The following CFAP46 variants were observed in gnomAD, a reference collection of about 807,000 sequenced individuals.
The protein encoded by CFAP46 is cilia- and flagella-associated protein 46.
A neutral mutation model predicts 325.7 loss-of-function variants in CFAP46; 245 were observed. The ratio of observed to expected loss-of-function variants is 0.75; its 90% CI spans 0.68 to 0.84. CFAP46 has a LOEUF of 0.84. Among genes scored for constraint, CFAP46 ranks in the 40% least tolerant of loss-of-function variants. The pLI is 0.00. For missense variants in CFAP46, 3,346 were observed against 3,543.0 expected (o/e 0.94, Z 1.41); for synonymous variants, 1,523 against 1,495.9 (o/e 1.02, Z -0.42).
At chr10:132,872,864 G>T in intron 31 of CFAP46, 40 bp from the exon 32 acceptor site, 1 of 1,549,360 alleles carries the variant, frequency 6.5e-7, no homozygotes, top group Non-Finnish European at 8.7e-7. Flanking sequence ...TCACAGGAGC[G>T]GGTGTAGACC....
At chr10:132,854,946 A>G (rs964719010) in intron 39 of CFAP46, among the ~76,000 whole-genome samples, 1 of 152,228 alleles carries the variant, frequency 6.6e-6, no homozygotes, top group African/African-American at 2.4e-5. Flanking sequence ...ATGGTCCAAA[A>G]TACAGTCCAT....
intron 2 of CFAP46, 44 bp from the exon 3 acceptor site, chr10:132,941,766 T>C: frequency 6.2e-7 from 1 of 1,610,796 alleles, no homozygotes; most frequent in South Asian, 1.1e-5. Context: ...CCCGGAGGGG[T>C]GGCCTCCCTG....
At chr10:132,865,072 CT>C (rs1591062172) in intron 35 of CFAP46, among the ~76,000 whole-genome samples, 1 of 152,326 alleles carries the variant, frequency 6.6e-6, no homozygotes, top group East Asian at 1.9e-4. Context: ...AGGACCCTCT[CT>C]TTTTCTGGAG....
Position 132,924,748 on chromosome 10 carries a change from G to GGTGCCGCAGGTT in CFAP46, c.1192_1203dup (p.Asn398_His401dup), listed in dbSNP as rs1201467715. 6.5e-7 allele frequency: 1 copy of GGTGCCGCAGGTT among 1,539,328 alleles called. No individual in the cohort carries two copies. Among genetic ancestry groups the GGTGCCGCAGGTT allele is most frequent in the East Asian group, 2.5e-5 (1 of 39,950 alleles). ...ACGCCAGCCAGGGGCTTCCGCAGGT[G>GGTGCCGCAGGTT]GTGCCGCAGGTTGTGCTGCAGCAGG... On this transcript the variant is annotated inframe_insertion, in exon 11 of 58. Coordinates refer to ENST00000368586, the MANE Select transcript of CFAP46 (RefSeq NM_001200049.3).
At chr10:132,941,774 C>A in intron 2 of CFAP46, 52 bp from the exon 3 acceptor site, 1 of 1,609,472 alleles carries the variant, frequency 6.2e-7, no homozygotes, top group South Asian at 1.1e-5. Flanking sequence ...GGTGGCCTCC[C>A]TGCCCAGAAG....
intron 44 of CFAP46, among the ~76,000 whole-genome samples, chr10:132,842,057 C>T (rs1474005158): frequency 1.3e-5 from 2 of 152,224 alleles, no homozygotes; most frequent in African/African-American, 2.4e-5. Context: ...TCACTCTTTA[C>T]GTGGCCAGGC....
At chr10:132,823,785 C>T (rs965969720) in intron 50 of CFAP46, among the ~76,000 whole-genome samples, 2 of 126,972 alleles carry the variant, frequency 1.6e-5, no homozygotes, top group Non-Finnish European at 3.3e-5. Context: ...TGTGTGTGCA[C>T]TGATGTGTGC....
intron 31 of CFAP46, among the ~76,000 whole-genome samples, chr10:132,873,775 T>C (rs1015178099): frequency 1.3e-5 from 2 of 152,028 alleles, no homozygotes; most frequent in African/African-American, 4.8e-5. Flanking sequence ...TCACTCCCAG[T>C]GAGGCTGATC....
rs1591067071 is a variant in CFAP46, at chr10:132,877,299, G to A, written c.4213-338C>T. On this transcript the variant is annotated intron_variant, in intron 30 of 57. Transcript: ENST00000368586. This position sits in a 1 kb window ranked among gnomAD's most constrained non-coding sequence, Gnocchi z 5.7. ...GCAGTGCTCGTGCTGGGGTCCGGGT[G>A]TGAGCGTCCCATGAACTCAGCAGTG... Among the ~76,000 whole-genome samples, 1 of 152,108 alleles carries A rather than the reference G, an allele frequency of 6.6e-6. No individual in the cohort carries two copies. The highest frequency in any genetic ancestry group is 1.5e-5 in the Non-Finnish European group (1 of 68,026).
chr10:132,880,360 C>T (rs1038839691), intron 28 of CFAP46, among the ~76,000 whole-genome samples: 7 of 152,234 alleles, frequency 4.6e-5, no homozygotes, highest in Non-Finnish European at 8.8e-5. Flanking sequence ...ACCCACTTTC[C>T]TGCACTGCTG....
intron 44 of CFAP46, among the ~76,000 whole-genome samples, chr10:132,840,419 C>T (rs57400920): frequency 0.07 from 10,657 of 152,256 alleles, 935 homozygotes; most frequent in African/African-American, 0.2. Flanking sequence ...ATTTCCTCTG[C>T]TGGTTTTGGC....
In CFAP46 at chr10:132,920,043, C is replaced by T. The variant is rs768184973; in HGVS notation, c.1730+16G>A. 2 of 1,530,184 alleles carry T rather than the reference C, an allele frequency of 1.3e-6. No individual in the cohort carries two copies. Among genetic ancestry groups the T allele is most frequent in the Non-Finnish European group, 1.8e-6 (2 of 1,137,446 alleles). 94.8% of individuals were successfully genotyped at this position (1,530,184 alleles called of 1,614,324 possible). The stretch of plus-strand genomic sequence containing the variant: ...GGCTGAGCTGTGCGTGGCGCTCTGG[C>T]CTTTTCCTCACTCACCTCTCCTTGT... On this transcript the variant is annotated intron_variant, in intron 14 of 57. Coordinates refer to ENST00000368586, the MANE Select transcript of CFAP46 (RefSeq NM_001200049.3).
intron 35 of CFAP46, among the ~76,000 whole-genome samples, chr10:132,862,975 G>T (rs1445195709): frequency 6.6e-6 from 1 of 152,122 alleles, no homozygotes; most frequent in East Asian, 1.9e-4. Context: ...GGGCGGGAAA[G>T]ATCAAGGAAA....
In CFAP46 at chr10:132,937,616, G is replaced by A. The variant is rs1253225538; in HGVS notation, c.596C>T (p.Ser199Phe). The change falls in exon 6 of 58, where the codon TCC becomes TTC. Residue 199 changes from serine to phenylalanine, a missense_variant. Transcript: ENST00000368586. The part of the protein sequence containing the change: ...GRKEEAARFC[S>F]TAAPFIKSHV... ...AGACTTAATGAACGGAGCTGCCGTG[G>A]AGCAGAACCTGGCAGCCTCCTCCTT... is the stretch of plus-strand genomic sequence containing the variant. The A allele has an allele frequency of 6.2e-7, 1 of 1,613,468 alleles. No individual in the cohort carries two copies. The highest frequency in any genetic ancestry group is 8.5e-7 in the Non-Finnish European group (1 of 1,179,890).
Position 132,886,336 on chromosome 10 carries a change from G to A in CFAP46, c.3305-377C>T, listed in dbSNP as rs115902425. ...TTGCATGGAAAGCTCCCCCGCGGCC[G>A]AGGACACAGCGCCACGTGCACGCTC... On this transcript the variant is annotated intron_variant, in intron 25 of 57. Coordinates refer to ENST00000368586, the MANE Select transcript of CFAP46 (RefSeq NM_001200049.3). This position sits in a 1 kb window ranked among gnomAD's most constrained non-coding sequence, Gnocchi z 5.8. Among the ~76,000 whole-genome samples the A allele has an allele frequency of 8.1e-3, 1,237 of 152,282 alleles. 12 individuals are homozygous for A. Among genetic ancestry groups the A allele is most frequent in the African/African-American group, 0.026 (1,069 of 41,550 alleles).
intron 11 of CFAP46, among the ~76,000 whole-genome samples, chr10:132,923,487 A>C (rs11146043): frequency 3.5e-5 from 4 of 113,422 alleles, no homozygotes; most frequent in Admixed American, 1.8e-4. Context: ...GTGCCCTGGA[A>C]CCCCTGGCCT....
At chr10:132,925,391 C>A (rs565064660) in intron 10 of CFAP46, among the ~76,000 whole-genome samples, 4 of 152,378 alleles carry the variant, frequency 2.6e-5, no homozygotes, top group Non-Finnish European at 5.9e-5. Flanking sequence ...GGGCCTAGCC[C>A]TCACGCTGCC....
intron 25 of CFAP46, among the ~76,000 whole-genome samples, chr10:132,887,927 CCT>C (rs1230241764): frequency 1.6e-5 from 1 of 61,916 alleles, no homozygotes; most frequent in Admixed American, 1.8e-4. Context: ...TCTCTCCTCT[CCT>C]CTCTCCTCTT....
intron 39 of CFAP46, among the ~76,000 whole-genome samples, chr10:132,851,819 G>T (rs538969735): frequency 2.0e-5 from 3 of 152,360 alleles, no homozygotes; most frequent in Admixed American, 6.5e-5. Context: ...CATGTGCAAG[G>T]TATCCACAGA....
Sources: gnomAD v4.1 joint callset for allele counts (sites outside exome capture counted in the v4.1 genomes callset) on GRCh38, gnomAD v4.1.1 for gene constraint, Gnocchi (gnomAD v3.1) non-coding constraint, MANE v1.5 for transcripts, NCBI Gene and HGNC (gene_info 2026-07-23, HGNC 2026-07-21) for gene names.